The following ANKRD31 variants were observed in gnomAD, a reference collection of about 807,000 sequenced individuals.
ANKRD31 encodes the protein ankyrin repeat domain 31.
A neutral mutation model predicts 186.0 loss-of-function variants in ANKRD31; 147 were observed. That is an observed-to-expected ratio of 0.79 (90% CI 0.69 to 0.91). ANKRD31 has a LOEUF of 0.91. Among genes scored for constraint, ANKRD31 ranks in the 40% least tolerant of loss-of-function variants. The pLI is 0.00. For missense variants in ANKRD31, 1,986 were observed against 2,148.8 expected, an observed-to-expected ratio of 0.92 and a Z score of 1.50; for synonymous variants, 673 against 736.4, an observed-to-expected ratio of 0.91 and a Z score of 1.39.
chr5:75,175,178 A>G (rs1228044029), intron 10 of ANKRD31, among the ~76,000 whole-genome samples: 1 of 152,210 alleles, frequency 6.6e-6, no homozygotes, highest in East Asian at 1.9e-4. Flanking sequence ...GAATTGAACA[A>G]TGAGAACACT....
intron 17 of ANKRD31, among the ~76,000 whole-genome samples, chr5:75,124,166 C>G (rs780746818): frequency 6.6e-6 from 1 of 152,042 alleles, no homozygotes; most frequent in Non-Finnish European, 1.5e-5. Flanking sequence ...CCACGAATGA[C>G]CAACAAGCAT....
intron 10 of ANKRD31, among the ~76,000 whole-genome samples, chr5:75,179,103 C>A (rs1162085619): frequency 6.6e-6 from 1 of 151,816 alleles, no homozygotes; most frequent in Non-Finnish European, 1.5e-5. Context: ...ATACTATAAA[C>A]ACCTCTATGC....
intron 5 of ANKRD31, 70 bp from the exon 6 acceptor site, chr5:75,199,744 T>C: frequency 8.0e-7 from 1 of 1,248,970 alleles, no homozygotes; most frequent in East Asian, 2.7e-5. Flanking sequence ...TCAGTTGACA[T>C]TTCATAATCA....
intron 9 of ANKRD31, among the ~76,000 whole-genome samples, chr5:75,190,627 AT>A (rs919970261): frequency 7.1e-6 from 1 of 141,124 alleles, no homozygotes; most frequent in Non-Finnish European, 1.5e-5. Flanking sequence ...GTGTGTGTGT[AT>A]TTTTTTTTCT....
intron 3 of ANKRD31, among the ~76,000 whole-genome samples, chr5:75,217,746 T>C (rs1426597898): frequency 6.6e-6 from 1 of 152,132 alleles, no homozygotes; most frequent in Non-Finnish European, 1.5e-5. Flanking sequence ...GGACATTAAG[T>C]TCATTCATAT....
intron 9 of ANKRD31, among the ~76,000 whole-genome samples, chr5:75,190,036 T>G (rs898316325): frequency 5.9e-5 from 9 of 151,716 alleles, no homozygotes; most frequent in African/African-American, 2.2e-4. Flanking sequence ...GGTCTTGCTC[T>G]CCATATTCTT....
rs138155302 is a variant in ANKRD31 at position 75,123,747 on chromosome 5, G to A, written c.3877-5450C>T. 3.9e-5 allele frequency among the ~76,000 whole-genome samples: 6 copies of A among 152,046 alleles called. No individual in the cohort carries two copies. The East Asian group carries it at 5.8e-4, about 15-fold the overall frequency. The stretch of plus-strand genomic sequence containing the variant: ...TGTTGGGAAAATTGGATTGCCATAC[G>A]TAGAAGAATGTCTCTAATCATATAA... On this transcript the variant is annotated intron_variant, in intron 17 of 25. Coordinates refer to ENST00000506364, the MANE Select transcript of ANKRD31 (RefSeq NM_001372053.1).
At chr5:75,155,214 C>T (rs573051713) in intron 11 of ANKRD31, among the ~76,000 whole-genome samples, 5 of 151,874 alleles carry the variant, frequency 3.3e-5, no homozygotes, top group Admixed American at 6.6e-5. Flanking sequence ...CTGAGTCAGC[C>T]GTGGTTAATT....
intron 5 of ANKRD31, among the ~76,000 whole-genome samples, chr5:75,199,892 CA>C (rs1160523643): frequency 3.3e-5 from 5 of 151,974 alleles, no homozygotes; most frequent in Non-Finnish European, 5.9e-5. Context: ...TATATAGCTC[CA>C]AAAAAATTGT....
chr5:75,163,273 A>G (rs925905004), intron 11 of ANKRD31, among the ~76,000 whole-genome samples: 2 of 152,112 alleles, frequency 1.3e-5, no homozygotes, highest in Admixed American at 1.3e-4. Flanking sequence ...GGCCTTTTTG[A>G]CACTTTCAAT....
intron 22 of ANKRD31, among the ~76,000 whole-genome samples, chr5:75,101,194 C>G (rs192796559): frequency 1.3e-3 from 200 of 152,184 alleles, no homozygotes; most frequent in Middle Eastern, 6.8e-3. Context: ...AGCTTAGTTT[C>G]GCTGGATATG....
intron 2 of ANKRD31, 24 bp downstream of exon 2, chr5:75,230,538 C>T: frequency 6.6e-7 from 1 of 1,517,340 alleles, no homozygotes; most frequent in Non-Finnish European, 8.8e-7. Context: ...AAAGGGACTA[C>T]TTAATGAAAA....
intron 22 of ANKRD31, 69 bp from the exon 23 acceptor site, chr5:75,091,470 C>T (rs1413189318): frequency 7.0e-7 from 1 of 1,435,934 alleles, no homozygotes; most frequent in African/African-American, 1.4e-5. Context: ...TGCTTCTGGC[C>T]ATGACAAAGT....
chr5:75,182,714 C>G (rs1172496513), intron 10 of ANKRD31, among the ~76,000 whole-genome samples: 1 of 144,922 alleles, frequency 6.9e-6, no homozygotes, highest in Non-Finnish European at 1.5e-5. Flanking sequence ...AGTGAGAGTC[C>G]AACTTAAAAA....
At position 75,192,680 on chromosome 5, in the gene ANKRD31, A is replaced by C; in HGVS notation, c.1395T>G (p.Phe465Leu). Residue 465 changes from phenylalanine to leucine, a missense_variant, in exon 9 of 26, where the codon TTT becomes TTG. Physicochemically the swap from Phe to Leu is conservative, Grantham distance 22. Coordinates refer to ENST00000506364, the MANE Select transcript of ANKRD31 (RefSeq NM_001372053.1). Reference sequence around the variant, plus strand: ...AATATGCATCACCTTTTTTTCCTGAAAATTGTTCATTTTTCCTGATCTGTT... The same window carrying C: ...AATATGCATCACCTTTTTTTCCTGACAATTGTTCATTTTTCCTGATCTGTT... ...NGKQIRKNEQ[F>L]SGKKEKMKVN... The C allele has an allele frequency of 3.9e-6, 6 of 1,529,214 alleles. No individual in the cohort carries two copies. Among genetic ancestry groups the C allele is most frequent in the Non-Finnish European group, 5.3e-6 (6 of 1,142,768 alleles). The allele number at this position is 1,529,214 out of a possible 1,614,324, so 94.7% of individuals were successfully genotyped here.
chr5:75,190,741 T>C (rs890175885), intron 9 of ANKRD31, among the ~76,000 whole-genome samples: 3 of 152,118 alleles, frequency 2.0e-5, no homozygotes, highest in Admixed American at 2.0e-4. Flanking sequence ...TTATCTGACA[T>C]GTAAAAAGGG....
At chr5:75,108,858 T>A (rs1223226934) in intron 20 of ANKRD31, among the ~76,000 whole-genome samples, 1 of 152,192 alleles carries the variant, frequency 6.6e-6, no homozygotes, top group Non-Finnish European at 1.5e-5. Context: ...TTTTAAATTA[T>A]CTATGTGCCC....
At chr5:75,133,836 A>T (rs1164036862) in intron 17 of ANKRD31, among the ~76,000 whole-genome samples, 1 of 152,226 alleles carries the variant, frequency 6.6e-6, no homozygotes, top group Non-Finnish European at 1.5e-5. Flanking sequence ...CAGTGCAATC[A>T]AACTAGAACT....
rs1433009958 is a variant in ANKRD31 at position 75,146,660 on chromosome 5, C to A, written c.2751G>T (p.Lys917Asn). 13 of 1,535,924 alleles carry A rather than the reference C, an allele frequency of 8.5e-6. No individual in the cohort carries two copies. Among genetic ancestry groups the A allele is most frequent in the Non-Finnish European group, 1.1e-5 (13 of 1,146,222 alleles). The change falls in exon 14 of 26, where the codon AAG becomes AAT. Residue 917 changes from lysine (K) to asparagine (N), a missense_variant. Coordinates refer to ENST00000506364, the MANE Select transcript of ANKRD31 (RefSeq NM_001372053.1). ...STSEKAITSK[K>N]VLCSTGGKKH... The stretch of plus-strand genomic sequence containing the variant: ...TTTTGCCACCTGTAGAACACAACAC[C>A]TTTTTAGATGTTATAGCCTTCTCAG...
Sources: gnomAD v4.1 joint callset for allele counts (sites outside exome capture counted in the v4.1 genomes callset) on GRCh38, gnomAD v4.1.1 for gene constraint, MANE v1.5 for transcripts, NCBI Gene and HGNC (gene_info 2026-07-23, HGNC 2026-07-21) for gene names.